The following CCDC171 variants were observed in gnomAD, a reference collection of about 807,000 sequenced individuals.
CCDC171 encodes coiled-coil domain-containing protein 171.
In CCDC171, 177 loss-of-function variants were observed where a neutral mutation model predicts 168.2. The observed-to-expected ratio is 1.05, with a 90% CI of 0.93 to 1.19. The LOEUF (loss-of-function observed/expected upper bound fraction) is 1.19. Among genes scored for constraint, CCDC171 ranks in the 50% most tolerant of loss-of-function variants. The probability of loss-of-function intolerance (pLI) is 0.00; values close to 1 mark genes in which losing one functional copy is unlikely to be tolerated. For missense variants in CCDC171, 1,991 were observed against 1,539.0 expected, an observed-to-expected ratio of 1.29 and a Z score of -4.91; for synonymous variants, 687 against 540.8, an observed-to-expected ratio of 1.27 and a Z score of -3.75.
At chr9:16,022,053 G>T (rs1833180194) in intron 4 of CCDC171, among the ~76,000 whole-genome samples, 1 of 152,208 alleles carries the variant, frequency 6.6e-6, no homozygotes, top group South Asian at 2.1e-4. Flanking sequence ...GGAGAGAGAT[G>T]ATTTGGACAG....
intron 23 of CCDC171, among the ~76,000 whole-genome samples, chr9:15,852,847 G>T (rs1308390839): frequency 6.6e-6 from 1 of 151,438 alleles, no homozygotes; most frequent in African/African-American, 2.4e-5. Flanking sequence ...TTTTCCCATT[G>T]AATGATCATG....
intron 21 of CCDC171, among the ~76,000 whole-genome samples, chr9:15,831,677 C>T (rs370099959): frequency 7.9e-5 from 12 of 152,216 alleles, no homozygotes; most frequent in African/African-American, 2.9e-4. Context: ...TTTAACTTGT[C>T]TTTAGGTTTT....
At chr9:15,579,478 A>G (rs1391908531) in intron 4 of CCDC171, among the ~76,000 whole-genome samples, 1 of 152,192 alleles carries the variant, frequency 6.6e-6, no homozygotes, top group Non-Finnish European at 1.5e-5. Context: ...GTGCCTGGAA[A>G]AGAAAAAGTC....
rs147482176 is a variant in CCDC171, at chr9:15,564,724, G to A, written c.41+595G>A. ...ATAATACAAAACTGGACCACATAGG[G>A]CAGTGCCACTCTCTCCTAAGTGTGC... On this transcript the variant is annotated intron_variant, in intron 2 of 25. Transcript: ENST00000380701. 2.1e-3 allele frequency among the ~76,000 whole-genome samples: 314 copies of A among 152,304 alleles called. 2 individuals are homozygous for A. The highest frequency in any genetic ancestry group is 7.1e-3 in the African/African-American group (296 of 41,572).
chr9:15,691,336 G>A (rs1277699005), intron 10 of CCDC171, among the ~76,000 whole-genome samples: 2 of 151,406 alleles, frequency 1.3e-5, no homozygotes, highest in East Asian at 3.9e-4. Flanking sequence ...ATAATAGTAT[G>A]TATTTTATGA....
intron 23 of CCDC171, among the ~76,000 whole-genome samples, chr9:15,852,533 C>G (rs1243217130): frequency 6.6e-6 from 1 of 151,536 alleles, no homozygotes; most frequent in Non-Finnish European, 1.5e-5. Context: ...TGTAGGTTGT[C>G]TTTTTACCTT....
chr9:16,002,285 G>A (rs760339145), intron 3 of CCDC171, among the ~76,000 whole-genome samples: 1 of 151,804 alleles, frequency 6.6e-6, no homozygotes, highest in South Asian at 2.1e-4. Context: ...AAGTCAATGT[G>A]TGTTATTGCT....
At chr9:16,098,107 T>C in the CCDC171 span, among the ~76,000 whole-genome samples, 54,902 of 152,096 alleles carry the variant, frequency 0.36, 10,199 homozygotes, top group African/African-American at 0.42. Context: ...CCATTAGTTA[T>C]TGAGAACATA....
intron 8 of CCDC171, among the ~76,000 whole-genome samples, chr9:16,037,389 G>A (rs1256424309): frequency 1.3e-5 from 2 of 152,170 alleles, no homozygotes; most frequent in African/African-American, 4.8e-5. Context: ...CCTCAACCCA[G>A]ACCACACAAG....
At chr9:15,758,886 C>A (rs1407152079) in intron 18 of CCDC171, among the ~76,000 whole-genome samples, 3 of 152,158 alleles carry the variant, frequency 2.0e-5, no homozygotes, top group Admixed American at 2.0e-4. Flanking sequence ...TGTGAGGCTT[C>A]CCCAGCCATG....
intron 2 of CCDC171, among the ~76,000 whole-genome samples, chr9:15,570,033 T>A (rs1277369937): frequency 6.6e-6 from 1 of 152,086 alleles, no homozygotes; most frequent in African/African-American, 2.4e-5. Flanking sequence ...TTCAAAGGTG[T>A]GATCTCTGCT....
At chr9:16,069,456 A>T in the CCDC171 span, among the ~76,000 whole-genome samples, 1 of 152,250 alleles carries the variant, frequency 6.6e-6, no homozygotes, top group Non-Finnish European at 1.5e-5. Context: ...GACCATATGC[A>T]CGAAGAAGGC....
chr9:15,569,474 C>T (rs2040023590), intron 2 of CCDC171, among the ~76,000 whole-genome samples: 1 of 152,080 alleles, frequency 6.6e-6, no homozygotes, highest in African/African-American at 2.4e-5. Context: ...CATTCTGCAC[C>T]TTTTTTTAGA....
intron 4 of CCDC171, among the ~76,000 whole-genome samples, chr9:15,586,100 C>A (rs1352696484): frequency 6.6e-6 from 1 of 152,092 alleles, no homozygotes; most frequent in Admixed American, 6.6e-5. Context: ...ACATGCTGAA[C>A]TATTTAGGAG....
chr9:15,560,628 C>G (rs1214159392), intron 1 of CCDC171, among the ~76,000 whole-genome samples: 1 of 152,136 alleles, frequency 6.6e-6, no homozygotes, highest in African/African-American at 2.4e-5. Flanking sequence ...AGCCATTCAT[C>G]TAATCTTTTT....
intron 6 of CCDC171, among the ~76,000 whole-genome samples, chr9:15,602,693 T>C (rs2042951330): frequency 6.7e-6 from 1 of 149,812 alleles, no homozygotes; most frequent in African/African-American, 2.5e-5. Flanking sequence ...TCTCTCTGTG[T>C]TGTCCAGGCT....
At chr9:15,799,706 C>T (rs915234934) in intron 21 of CCDC171, among the ~76,000 whole-genome samples, 3 of 151,928 alleles carry the variant, frequency 2.0e-5, no homozygotes, top group African/African-American at 7.2e-5. Context: ...AATACTAGGA[C>T]TTATTCAATC....
At position 15,817,941 on chromosome 9, in the gene CCDC171, C is replaced by A. The variant is rs1225853832; in HGVS notation, c.3268-28761C>A. ...CTGAGTAACCTAGCTGGGAGGCATC[C>A]CCCGGTAGGGGCAGACTGACACCTC... On this transcript the variant is annotated intron_variant, in intron 21 of 25. Coordinates refer to ENST00000380701, the MANE Select transcript of CCDC171 (RefSeq NM_173550.4). Among the ~76,000 whole-genome samples the A allele has an allele frequency of 1.7e-5, 2 of 117,814 alleles. 1 individual carries two copies. The highest frequency in any genetic ancestry group is 3.8e-5 in the Non-Finnish European group (2 of 52,344). The allele number at this position is 117,814 out of a possible 152,430, so 77.3% of individuals were successfully genotyped here.
the CCDC171 span, among the ~76,000 whole-genome samples, chr9:16,073,557 G>A: frequency 3.3e-5 from 5 of 152,010 alleles, no homozygotes; most frequent in South Asian, 2.1e-4. Flanking sequence ...TTCCATTTAG[G>A]TTAGTGGTTT....
Sources: allele counts gnomAD v4.1 joint callset (sites outside exome capture counted in the v4.1 genomes callset), GRCh38; gene constraint gnomAD v4.1.1; transcripts MANE v1.5; gene names NCBI Gene and HGNC (gene_info 2026-07-23, HGNC 2026-07-21).